Variants in SLC12A1 observed in about 807,000 individuals in gnomAD.
The protein encoded by SLC12A1 is Na-K-2Cl cotransporter.
SLC12A1 carries 89 observed loss-of-function variants against 130.4 expected under a neutral mutation model. The ratio of observed to expected loss-of-function variants is 0.68; its 90% CI spans 0.58 to 0.81. The LOEUF (loss-of-function observed/expected upper bound fraction) is 0.81, where lower values mean the gene tolerates loss of function less well. Among genes scored for constraint, SLC12A1 ranks in the 40% least tolerant of loss-of-function variants. The pLI, the probability that SLC12A1 is intolerant of heterozygous loss-of-function variation, is 0.00. For synonymous variants in SLC12A1, 499 were observed against 460.0 expected, an observed-to-expected ratio of 1.08 and a Z score of -1.09; for missense variants, 1,310 against 1,336.4, an observed-to-expected ratio of 0.98 and a Z score of 0.31.
chr15:48,283,199 T>C (rs1259272974), intron 20 of SLC12A1, among the ~76,000 whole-genome samples: 1 of 152,174 alleles, frequency 6.6e-6, no homozygotes, highest in South Asian at 2.1e-4. Context: ...TTTAAGGACC[T>C]CCAAAACACT....
In SLC12A1 at chr15:48,249,694, C is replaced by A; in HGVS notation, c.1786+18C>A. 2 of 1,512,570 alleles carry A rather than the reference C, an allele frequency of 1.3e-6. No homozygotes were observed. Among genetic ancestry groups the A allele is most frequent in the Non-Finnish European group, 1.8e-6 (2 of 1,087,474 alleles). The allele number at this position is 1,512,570 out of a possible 1,614,324, so 93.7% of individuals were successfully genotyped here. On this transcript the variant is annotated intron_variant, in intron 14 of 26. Coordinates refer to ENST00000380993, the MANE Select transcript of SLC12A1 (RefSeq NM_000338.3). ...ATCTCCAGGTAAGCTGACTTCCAAA[C>A]TAAAATATGCCTAAGCAAACAGTTA...
In SLC12A1 at chr15:48,244,755, G is replaced by T; in HGVS notation, c.1303G>T (p.Ala435Ser). 6.2e-7 allele frequency: 1 copy of T among 1,613,844 alleles called. No homozygotes were observed. The highest frequency in any genetic ancestry group is 1.1e-5 in the South Asian group (1 of 91,054). ...AYLGVAICVG[A>S]CVVRDATGNM... ...ACAAGCCACGGTTGTTTCCACAGGG[G>T]CCTGTGTGGTCCGAGATGCCACCGG... Residue 435 changes from alanine (A) to serine (S), a missense_variant and splice_region_variant, in exon 11 of 27, where the codon GCC becomes TCC. By Grantham distance (99) the Ala-to-Ser change is moderately conservative. Coordinates refer to ENST00000380993, the MANE Select transcript of SLC12A1 (RefSeq NM_000338.3).
chr15:48,211,738 C>T (rs1049416302), intron 2 of SLC12A1, among the ~76,000 whole-genome samples: 1 of 151,966 alleles, frequency 6.6e-6, no homozygotes, highest in Non-Finnish European at 1.5e-5. Flanking sequence ...GTTATAATTT[C>T]CAAGTGAGAA....
At position 48,234,819 on chromosome 15, in the gene SLC12A1, A is replaced by C. The variant is rs552717238; in HGVS notation, c.1088-58A>C. The C allele has an allele frequency of 2.4e-5, 37 of 1,547,336 alleles. No individual in the cohort carries two copies. In the African/African-American group the frequency reaches 4.8e-4, roughly 20 times the overall value. Reference sequence around the variant, plus strand: ...GGACTAGGGAAGCCAATGGTAACTTAATCTCCTGTACTGTGAAAAATGTCT... The same window carrying C: ...GGACTAGGGAAGCCAATGGTAACTTCATCTCCTGTACTGTGAAAAATGTCT... On this transcript the variant is annotated intron_variant, in intron 8 of 26. Coordinates refer to ENST00000380993, the MANE Select transcript of SLC12A1 (RefSeq NM_000338.3).
chr15:48,286,578 G>C (rs1438480525), intron 21 of SLC12A1, among the ~76,000 whole-genome samples: 1 of 152,234 alleles, frequency 6.6e-6, no homozygotes, highest in Admixed American at 6.5e-5. Context: ...CAACTAGAGA[G>C]AGGGAAGCAT....
chr15:48,216,653 A>G (rs2141012004), intron 2 of SLC12A1, among the ~76,000 whole-genome samples: 1 of 152,364 alleles, frequency 6.6e-6, no homozygotes, highest in East Asian at 1.9e-4. Context: ...ATTAACTAGA[A>G]TATTGACAAT....
In SLC12A1 at chr15:48,260,315, T is replaced by C. The variant is rs180899347; in HGVS notation, c.2154+1004T>C. ...TCTAAGTCCTCCACACTAGCCCACC[T>C]CTACTTGTATTCCCTCTCTCTCTCT... is the stretch of plus-strand genomic sequence containing the variant. On this transcript the variant is annotated intron_variant, in intron 17 of 26. Transcript: ENST00000380993. Among the ~76,000 whole-genome samples the C allele has an allele frequency of 5.1e-3, 728 of 143,378 alleles. 8 individuals carry two copies. The highest frequency in any genetic ancestry group is 0.047 in the Middle Eastern group (13 of 276). 94.1% of individuals were successfully genotyped at this position (143,378 alleles called of 152,430 possible). A position where few individuals can be genotyped will look rare whatever the true frequency, so the allele number is the denominator to read the frequency against.
intron 11 of SLC12A1, among the ~76,000 whole-genome samples, chr15:48,246,292 C>T (rs905922747): frequency 6.6e-6 from 1 of 152,132 alleles, no homozygotes; most frequent in African/African-American, 2.4e-5. Context: ...TATTAAAATA[C>T]TACTTTCTGC....
At chr15:48,217,482 T>A (rs1426967185) in intron 2 of SLC12A1, among the ~76,000 whole-genome samples, 1 of 152,366 alleles carries the variant, frequency 6.6e-6, no homozygotes, top group South Asian at 2.1e-4. Flanking sequence ...AAATAAGGAC[T>A]GAGGATATCT....
intron 11 of SLC12A1, among the ~76,000 whole-genome samples, chr15:48,245,760 T>C (rs2041572002): frequency 6.6e-6 from 1 of 152,240 alleles, no homozygotes; most frequent in African/African-American, 2.4e-5. Context: ...GGTTGAATGA[T>C]ATATTTTCTT....
chr15:48,221,512 T>C (rs1386323461), intron 4 of SLC12A1: 4 of 623,392 alleles, frequency 6.4e-6, no homozygotes, highest in East Asian at 2.7e-5. Flanking sequence ...TAATCAAATA[T>C]TGCCAGATAC....
Position 48,299,210 on chromosome 15 carries a change from G to A in SLC12A1, c.3031G>A (p.Glu1011Lys). 1 of 1,609,488 alleles carries A rather than the reference G, an allele frequency of 6.2e-7. No individual in the cohort carries two copies. The highest frequency in any genetic ancestry group is 2.2e-5 in the East Asian group (1 of 44,700). Residue 1011 changes from glutamate to lysine, a missense_variant, in exon 25 of 27, where the codon GAG becomes AAG. Coordinates refer to ENST00000380993, the MANE Select transcript of SLC12A1 (RefSeq NM_000338.3). ...AAGCTGCAAAGATTTAACAACTGCT[G>A]AGAAATTAAAAAGAGAAACTCCGTG... ...HESCKDLTTAEKLKRETPWKI... is the reference protein window; with the variant it reads ...HESCKDLTTAKKLKRETPWKI...
chr15:48,290,610 A>G (rs1275629957), intron 23 of SLC12A1, among the ~76,000 whole-genome samples: 1 of 152,098 alleles, frequency 6.6e-6, no homozygotes, highest in Non-Finnish European at 1.5e-5. Flanking sequence ...GGTGATAGGA[A>G]TTTTTCAGTT....
intron 5 of SLC12A1, chr15:48,227,070 A>G: frequency 6.5e-7 from 1 of 1,546,900 alleles, no homozygotes; most frequent in Non-Finnish European, 8.8e-7. Context: ...TTCTTGGGGG[A>G]TTTTGCAGGT....
intron 9 of SLC12A1, among the ~76,000 whole-genome samples, chr15:48,240,094 T>TCTCC (rs1391585609): frequency 1.3e-5 from 1 of 78,742 alleles, no homozygotes; most frequent in African/African-American, 7.6e-5. Context: ...TATATATCCA[T>TCTCC]ATATATATAT....
At chr15:48,257,363 T>C (rs954934885) in intron 16 of SLC12A1, among the ~76,000 whole-genome samples, 1 of 152,150 alleles carries the variant, frequency 6.6e-6, no homozygotes, top group African/African-American at 2.4e-5. Flanking sequence ...TTCTTACAGA[T>C]CTACTAGGCA....
chr15:48,246,819 C>A, intron 11 of SLC12A1, 90 bp from the exon 12 acceptor site: 1 of 853,534 alleles, frequency 1.2e-6, no homozygotes, highest in Non-Finnish European at 2.1e-6. Context: ...GAGAATGAAG[C>A]AGGGGGAAAA....
intron 24 of SLC12A1, among the ~76,000 whole-genome samples, chr15:48,294,388 C>T (rs1055650682): frequency 4.0e-5 from 6 of 149,390 alleles, no homozygotes; most frequent in African/African-American, 1.5e-4. Flanking sequence ...AAGAAAAATA[C>T]ATTAACTGTG....
rs1338824799 is a variant in SLC12A1, at chr15:48,229,304, T to C, written c.840T>C (p.Ala280=). The change falls in exon 6 of 27, where the codon GCT becomes GCC. Residue 280 remains alanine, a synonymous_variant. Transcript: ENST00000380993. ...TTGCTATGTATGTGGTGGGATTTGCTGAGACTGTAGTAGATCTTCTTAAGG... is the reference window on the plus strand; with the variant it reads ...TTGCTATGTATGTGGTGGGATTTGCCGAGACTGTAGTAGATCTTCTTAAGG... ...VAVAMYVVGF[A]ETVVDLLKES... 6.2e-7 allele frequency: 1 copy of C among 1,603,966 alleles called. No homozygotes were observed. The highest frequency in any genetic ancestry group is 8.5e-7 in the Non-Finnish European group (1 of 1,174,782).
Sources: gnomAD v4.1 joint callset for allele counts (sites outside exome capture counted in the v4.1 genomes callset) on GRCh38, gnomAD v4.1.1 for gene constraint, MANE v1.5 for transcripts, NCBI Gene and HGNC (gene_info 2026-07-23, HGNC 2026-07-21) for gene names.